Variants in KCNB2 observed in about 807,000 individuals in gnomAD.
The protein encoded by KCNB2 is potassium voltage-gated channel subfamily B member 2, also known as delayed rectifier potassium channel protein.
Under a neutral mutation model 61.5 loss-of-function variants are expected in KCNB2, and 15 were observed. That is an observed-to-expected ratio of 0.24 (90% confidence interval 0.16 to 0.38). The LOEUF (loss-of-function observed/expected upper bound fraction) is 0.38. Among genes scored for constraint, KCNB2 ranks in the 10% least tolerant of loss-of-function variants. The pLI is 1.00. For missense variants in KCNB2, 828 were observed against 1,125.2 expected (o/e 0.74, Z 3.78); for synonymous variants, 457 against 446.0 (o/e 1.02, Z -0.31).
chr8:72,709,293 G>A (rs1290364347), intron 2 of KCNB2, among the ~76,000 whole-genome samples: 1 of 152,098 alleles, frequency 6.6e-6, no homozygotes, highest in Admixed American at 6.5e-5. Flanking sequence ...TTGGCATGTG[G>A]TAAGGACAAG....
intron 2 of KCNB2, among the ~76,000 whole-genome samples, chr8:72,623,121 T>C (rs1167908675): frequency 6.6e-6 from 1 of 152,218 alleles, no homozygotes; most frequent in Non-Finnish European, 1.5e-5. Context: ...ACTGCAGCAT[T>C]TCTGTTGTAA....
intron 2 of KCNB2, among the ~76,000 whole-genome samples, chr8:72,742,031 A>ACTTGCATG (rs1807969014): frequency 6.6e-6 from 1 of 152,232 alleles, no homozygotes; most frequent in Non-Finnish European, 1.5e-5. Context: ...TGAAAAAGAC[A>ACTTGCATG]CTTGCATGTG....
intron 2 of KCNB2, among the ~76,000 whole-genome samples, chr8:72,664,037 A>G (rs921819939): frequency 3.3e-5 from 5 of 152,166 alleles, no homozygotes; most frequent in African/African-American, 7.2e-5. Context: ...TAGCTTTTCA[A>G]TATGCTCCAG....
At chr8:72,544,580 C>A (rs1806233192) in intron 1 of KCNB2, among the ~76,000 whole-genome samples, 1 of 152,124 alleles carries the variant, frequency 6.6e-6, no homozygotes. Flanking sequence ...GATTTGAATT[C>A]CTGACGGCAA....
intron 2 of KCNB2, among the ~76,000 whole-genome samples, chr8:72,686,389 C>G (rs944747207): frequency 6.6e-6 from 1 of 151,922 alleles, no homozygotes; most frequent in South Asian, 2.1e-4. Flanking sequence ...GCTCTGTTGC[C>G]CAGGCTGGAG....
chr8:72,614,101 T>C (rs1805580589), intron 2 of KCNB2, among the ~76,000 whole-genome samples: 1 of 152,204 alleles, frequency 6.6e-6, no homozygotes, highest in Admixed American at 6.5e-5. Context: ...AAATTAGTTT[T>C]GCTCCTGAAA....
At chr8:72,555,493 G>A (rs1427094837) in intron 1 of KCNB2, among the ~76,000 whole-genome samples, 5 of 151,230 alleles carry the variant, frequency 3.3e-5, no homozygotes, top group African/African-American at 9.7e-5. Flanking sequence ...ATTTTACACC[G>A]ACATGTTCTT....
At chr8:72,758,081 A>G (rs989092555) in intron 2 of KCNB2, among the ~76,000 whole-genome samples, 1 of 152,202 alleles carries the variant, frequency 6.6e-6, no homozygotes, top group African/African-American at 2.4e-5. Context: ...CCCTCTGCAG[A>G]GTGGCTCTTT....
At chr8:72,753,887 A>T (rs773467653) in intron 2 of KCNB2, among the ~76,000 whole-genome samples, 2 of 152,196 alleles carry the variant, frequency 1.3e-5, no homozygotes, top group African/African-American at 2.4e-5. Flanking sequence ...CACATTAAGC[A>T]ATATGTTCTT....
intron 2 of KCNB2, among the ~76,000 whole-genome samples, chr8:72,592,733 A>G (rs569184250): frequency 6.6e-6 from 1 of 152,220 alleles, no homozygotes; most frequent in East Asian, 1.9e-4. Flanking sequence ...TTTCTCAGTG[A>G]CTTTGGTAGG....
In KCNB2 at chr8:72,551,073, T is replaced by C. The variant is rs376171965; in HGVS notation, c.-94+13188T>C. Among the ~76,000 whole-genome samples, 16 of 152,264 alleles carry C rather than the reference T, an allele frequency of 1.1e-4. No homozygotes were observed. The East Asian group carries it at 2.9e-3, about 28-fold the overall frequency. On this transcript the variant is annotated intron_variant, in intron 1 of 2. Transcript: ENST00000523207. ...GACAGGGTGATGTTCACTTCATTAA[T>C]GAAGGGATCCAGGCACAATGGACAG...
chr8:72,937,240 T>C lies in KCNB2; in HGVS notation c.1885T>C (p.Leu629=). ...GCTGCCGCCGCCCTCCGCCTCTCAC[T>C]TGCAGATGAAGTTCCCAACCGACCT... ...SPLPPPSASH[L]QMKFPTDLPG... The change falls in exon 3 of 3, where the codon TTG becomes CTG. Residue 629 remains leucine (L), a synonymous_variant. Transcript: ENST00000523207. 1.9e-6 allele frequency: 3 copies of C among 1,613,966 alleles called. No individual in the cohort carries two copies. Among genetic ancestry groups the C allele is most frequent in the Non-Finnish European group, 2.5e-6 (3 of 1,179,968 alleles).
intron 2 of KCNB2, among the ~76,000 whole-genome samples, chr8:72,816,092 T>G (rs773602547): frequency 3.3e-5 from 5 of 152,134 alleles, no homozygotes; most frequent in African/African-American, 7.2e-5. Context: ...GAAAAAAACT[T>G]GAAGTCAGCA....
intron 2 of KCNB2, among the ~76,000 whole-genome samples, chr8:72,608,068 T>C (rs994543763): frequency 6.6e-6 from 1 of 152,154 alleles, no homozygotes; most frequent in African/African-American, 2.4e-5. Flanking sequence ...GGGTTAGTGA[T>C]CTGAAAATTT....
chr8:72,590,802 G>A (rs1009846323), intron 2 of KCNB2, among the ~76,000 whole-genome samples: 1 of 152,052 alleles, frequency 6.6e-6, no homozygotes, highest in Admixed American at 6.5e-5. Flanking sequence ...AAAAAATCTG[G>A]GATTCATTCG....
chr8:72,852,756 A>T (rs1327433697), intron 2 of KCNB2, among the ~76,000 whole-genome samples: 1 of 152,214 alleles, frequency 6.6e-6, no homozygotes, highest in Non-Finnish European at 1.5e-5. Context: ...AAAAGTTTTA[A>T]TTGTCCATCA....
At chr8:72,710,799 G>A (rs1021824585) in intron 2 of KCNB2, among the ~76,000 whole-genome samples, 1 of 152,174 alleles carries the variant, frequency 6.6e-6, no homozygotes, top group Admixed American at 6.5e-5. Context: ...ACTTTAGAAA[G>A]AAATTTAAAT....
intron 2 of KCNB2, among the ~76,000 whole-genome samples, chr8:72,687,305 C>T (rs1260246762): frequency 1.3e-5 from 2 of 152,166 alleles, no homozygotes; most frequent in Non-Finnish European, 2.9e-5. Context: ...TCTTTCAGCT[C>T]TGTTGTCATC....
chr8:72,798,579 A>G (rs749430773), intron 2 of KCNB2, among the ~76,000 whole-genome samples: 4 of 152,170 alleles, frequency 2.6e-5, no homozygotes, highest in Non-Finnish European at 5.9e-5. Context: ...GGTCAAATTT[A>G]AACACATACC....
Sources: gnomAD v4.1 joint callset for allele counts (sites outside exome capture counted in the v4.1 genomes callset) on GRCh38, gnomAD v4.1.1 for gene constraint, MANE v1.5 for transcripts, NCBI Gene and HGNC (gene_info 2026-07-23, HGNC 2026-07-21) for gene names.